CPM: variants seen among roughly 807,000 people sequenced by gnomAD.
CPM encodes the protein renal carboxypeptidase.
A neutral mutation model predicts 46.4 loss-of-function variants in CPM; 35 were observed. That is an observed-to-expected ratio of 0.75 (90% CI 0.58 to 1.00). The LOEUF is 1.00. Among genes scored for constraint, CPM ranks in the 50% least tolerant of loss-of-function variants. The probability of loss-of-function intolerance (pLI) is 0.00; values close to 1 mark genes in which losing one functional copy is unlikely to be tolerated. For missense variants in CPM, 422 were observed against 530.4 expected (o/e 0.80, Z 2.01); for synonymous variants, 195 against 195.3 (o/e 1.00, Z 0.01).
intron 2 of CPM, among the ~76,000 whole-genome samples, chr12:68,926,683 G>A (rs1468941879): frequency 6.6e-6 from 1 of 151,980 alleles, no homozygotes; most frequent in Non-Finnish European, 1.5e-5. Flanking sequence ...TTTAGCATTA[G>A]GTATATCTCC....
At chr12:68,897,756 G>C (rs1037860798) in intron 2 of CPM, among the ~76,000 whole-genome samples, 7 of 145,160 alleles carry the variant, frequency 4.8e-5, no homozygotes, top group Non-Finnish European at 7.5e-5. Flanking sequence ...AAAAAAAAAA[G>C]GCACAATCAT....
At position 68,885,730 on chromosome 12, in the gene CPM, C is replaced by T. The variant is rs144204645; in HGVS notation, c.258+62G>A. ...CTTCCTCGGTAGCATTTATACAGAGCTCAAGAGACCCTAGGGGAAGCTTCT... is the reference window on the plus strand; with the variant it reads ...CTTCCTCGGTAGCATTTATACAGAGTTCAAGAGACCCTAGGGGAAGCTTCT... On this transcript the variant is annotated intron_variant, in intron 3 of 8. Coordinates refer to ENST00000551568, the MANE Select transcript of CPM (RefSeq NM_198320.5). The T allele has an allele frequency of 2.7e-4, 364 of 1,354,590 alleles. No homozygotes were observed. The African/African-American group carries it at 4.6e-3, about 17-fold the overall frequency. The allele number at this position is 1,354,590 out of a possible 1,614,324, so 83.9% of individuals were successfully genotyped here.
At chr12:68,960,740 C>T (rs1889097163) in intron 1 of CPM, among the ~76,000 whole-genome samples, 1 of 152,154 alleles carries the variant, frequency 6.6e-6, no homozygotes, top group African/African-American at 2.4e-5. Flanking sequence ...TGGAGCTCCT[C>T]TAAATGTGGC....
chr12:68,904,826 T>C (rs1253636885), intron 2 of CPM, among the ~76,000 whole-genome samples: 1 of 152,220 alleles, frequency 6.6e-6, no homozygotes, highest in African/African-American at 2.4e-5. Context: ...CAGTCATACA[T>C]GAATGACTCC....
intron 2 of CPM, among the ~76,000 whole-genome samples, chr12:68,907,104 G>A (rs1357776129): frequency 1.3e-5 from 2 of 152,204 alleles, no homozygotes; most frequent in Non-Finnish European, 2.9e-5. Flanking sequence ...CTGGGTGAGA[G>A]TGCTGCTTGC....
At chr12:68,944,812 G>T (rs866192101) in intron 1 of CPM, among the ~76,000 whole-genome samples, 1 of 151,930 alleles carries the variant, frequency 6.6e-6, no homozygotes, top group South Asian at 2.1e-4. Flanking sequence ...GAACTCAGAC[G>T]TTAGGATTTT....
chr12:68,898,548 C>T (rs970562518), intron 2 of CPM, among the ~76,000 whole-genome samples: 7 of 152,194 alleles, frequency 4.6e-5, no homozygotes, highest in African/African-American at 1.4e-4. Flanking sequence ...CAAAGGTGGA[C>T]TACTTCTCAC....
chr12:68,921,914 C>T (rs1253205351), intron 2 of CPM, among the ~76,000 whole-genome samples: 1 of 152,064 alleles, frequency 6.6e-6, no homozygotes, highest in Non-Finnish European at 1.5e-5. Flanking sequence ...TAATATACTA[C>T]ATACAATATA....
Position 68,910,777 on chromosome 12 carries a change from C to G in CPM, c.160+21901G>C, listed in dbSNP as rs575880822. On this transcript the variant is annotated intron_variant, in intron 2 of 8. Transcript: ENST00000551568. ...ACTATTATAAGAAATGCTACAAATA[C>G]AATGCTGTATATCCTCATATATACT... Among the ~76,000 whole-genome samples the G allele has an allele frequency of 1.1e-4, 17 of 151,958 alleles. No individual in the cohort carries two copies. In the South Asian group the frequency reaches 3.5e-3, roughly 32 times the overall value.
chr12:68,896,647 C>G (rs1009544294), intron 2 of CPM, among the ~76,000 whole-genome samples: 5 of 152,152 alleles, frequency 3.3e-5, no homozygotes, highest in Admixed American at 6.5e-5. Context: ...TAGATCAAAT[C>G]AAGAGTCAAT....
chr12:68,846,837 TAA>T (rs1884328694), downstream of CPM: 1 of 148,512 alleles, frequency 6.7e-6, no homozygotes, highest in Non-Finnish European at 1.5e-5. Context: ...TTAGAGACAA[TAA>T]ATCTATAGAG....
intron 7 of CPM, 190 bp downstream of exon 7, chr12:68,866,706 A>G: frequency 1.8e-6 from 1 of 545,456 alleles, no homozygotes; most frequent in Non-Finnish European, 3.2e-6. Context: ...TTTTCTATGA[A>G]TGAGTGGGCA....
At chr12:68,884,956 T>A (rs1188239097) in intron 3 of CPM, among the ~76,000 whole-genome samples, 3 of 152,146 alleles carry the variant, frequency 2.0e-5, no homozygotes, top group Non-Finnish European at 4.4e-5. Context: ...TTTTGTTTTG[T>A]TTTTTTAGAT....
At chr12:68,951,442 G>A (rs1378721297) in intron 1 of CPM, among the ~76,000 whole-genome samples, 1 of 152,140 alleles carries the variant, frequency 6.6e-6, no homozygotes, top group Non-Finnish European at 1.5e-5. Context: ...TAGGATGGGA[G>A]GACTAGCTTC....
intron 2 of CPM, among the ~76,000 whole-genome samples, chr12:68,914,376 G>A (rs539961456): frequency 2.0e-4 from 30 of 152,090 alleles, no homozygotes; most frequent in African/African-American, 7.0e-4. Context: ...GCCTAGCACA[G>A]TGCATGGCAC....
Position 68,885,850 on chromosome 12 carries a change from T to G in CPM, c.200A>C (p.Lys67Thr). The change falls in exon 3 of 9, where the codon AAG (lysine) becomes ACG (threonine). Residue 67 changes from lysine to threonine, a missense_variant. Lys to Thr is a moderately conservative substitution (Grantham distance 78). Transcript: ENST00000551568. The stretch of plus-strand genomic sequence containing the variant: ...CTCTGGAATCCCAATTCTGTGTTCC[T>G]TTGGAAACCGCCCCACAACAAGAAC... Reference protein sequence around the residue: ...LWVLVVGRFPKEHRIGIPEFK... With the variant: ...LWVLVVGRFPTEHRIGIPEFK... The G allele has an allele frequency of 6.2e-7, 1 of 1,614,168 alleles. No individual in the cohort carries two copies. Among genetic ancestry groups the G allele is most frequent in the South Asian group, 1.1e-5 (1 of 91,072 alleles).
chr12:68,903,674 C>G (rs1887209813), intron 2 of CPM, among the ~76,000 whole-genome samples: 1 of 152,166 alleles, frequency 6.6e-6, no homozygotes, highest in Admixed American at 6.5e-5. Context: ...CTGCCAGTTT[C>G]ACAAAGGACA....
chr12:68,885,686 T>C (rs1565780519), intron 3 of CPM, 106 bp downstream of exon 3: 2 of 890,922 alleles, frequency 2.2e-6, no homozygotes, highest in Non-Finnish European at 1.8e-6. Flanking sequence ...GTACAATGCA[T>C]GCTGGAGACT....
intron 7 of CPM, among the ~76,000 whole-genome samples, chr12:68,866,488 C>A (rs185874335): frequency 6.6e-6 from 1 of 152,172 alleles, no homozygotes; most frequent in Non-Finnish European, 1.5e-5. Flanking sequence ...GGACTACAGG[C>A]GTGTGCCACC....
Sources: allele counts gnomAD v4.1 joint callset (sites outside exome capture counted in the v4.1 genomes callset), GRCh38; gene constraint gnomAD v4.1.1; transcripts MANE v1.5; gene names NCBI Gene and HGNC (gene_info 2026-07-23, HGNC 2026-07-21).